Variants in LHX8 observed in about 807,000 individuals in gnomAD.
LHX8 encodes the protein LIM homeobox 8.
LHX8 carries 12 observed loss-of-function variants against 40.3 expected under a neutral mutation model. The observed-to-expected ratio is 0.30, with a 90% CI of 0.19 to 0.48. The LOEUF (loss-of-function observed/expected upper bound fraction) is 0.48, where lower values mean the gene tolerates loss of function less well. Among genes scored for constraint, LHX8 ranks in the 20% least tolerant of loss-of-function variants. LHX8 has a pLI of 0.99. For synonymous variants in LHX8, 179 were observed against 162.0 expected, an observed-to-expected ratio of 1.10 and a Z score of -0.80; for missense variants, 344 against 433.7, an observed-to-expected ratio of 0.79 and a Z score of 1.84.
chr1:75,137,298 C>T (rs745955828), intron 3 of LHX8, 37 bp downstream of exon 3: 9 of 1,595,432 alleles, frequency 5.6e-6, no homozygotes, highest in African/African-American at 1.3e-5. Context: ...CCAAGGGGAG[C>T]GGGCTTAGCG....
the LHX8 span, among the ~76,000 whole-genome samples, chr1:75,167,097 C>T: frequency 2.0e-5 from 3 of 152,164 alleles, no homozygotes; most frequent in African/African-American, 7.2e-5. Context: ...TTATTCTGCT[C>T]TGTCATGGAC....
chr1:75,157,861 T>G (rs1315087533), intron 8 of LHX8, among the ~76,000 whole-genome samples: 1 of 152,242 alleles, frequency 6.6e-6, no homozygotes, highest in Admixed American at 6.5e-5. Flanking sequence ...ATGAATATGC[T>G]GCTATGGACT....
chr1:75,164,297 A>G (rs1478545919), downstream of LHX8, among the ~76,000 whole-genome samples: 1 of 152,170 alleles, frequency 6.6e-6, no homozygotes, highest in African/African-American at 2.4e-5. Context: ...AAAAATTGAT[A>G]TGTCCACTAT....
the LHX8 span, among the ~76,000 whole-genome samples, chr1:75,184,410 A>G: frequency 6.6e-6 from 1 of 152,340 alleles, no homozygotes; most frequent in African/African-American, 2.4e-5. Flanking sequence ...CTGAAATCAT[A>G]CCAAACACAC....
chr1:75,156,546 C>A (rs1648772654), intron 7 of LHX8, among the ~76,000 whole-genome samples: 1 of 152,042 alleles, frequency 6.6e-6, no homozygotes, highest in Admixed American at 6.6e-5. Flanking sequence ...CCAGTCAAAT[C>A]CAATAGAGTT....
chr1:75,149,202 A>G (rs1028713348), intron 7 of LHX8, among the ~76,000 whole-genome samples: 1 of 152,182 alleles, frequency 6.6e-6, no homozygotes, highest in African/African-American at 2.4e-5. Flanking sequence ...AGATCCAGGG[A>G]GAGGAACTGG....
chr1:75,136,974 A>G (rs1570284604), intron 2 of LHX8, 126 bp from the exon 3 acceptor site: 1 of 975,244 alleles, frequency 1.0e-6, no homozygotes, highest in East Asian at 3.2e-5. Flanking sequence ...TGACCTCAAG[A>G]AGCTGGGGGT....
the LHX8 span, among the ~76,000 whole-genome samples, chr1:75,174,046 C>G: frequency 6.6e-6 from 1 of 152,000 alleles, no homozygotes; most frequent in African/African-American, 2.4e-5. Context: ...AGTCAGAAAT[C>G]TGAAACGCTG....
intron 6 of LHX8, among the ~76,000 whole-genome samples, chr1:75,147,301 C>CT (rs1648485724): frequency 6.6e-6 from 1 of 152,042 alleles, no homozygotes; most frequent in Non-Finnish European, 1.5e-5. Flanking sequence ...CAATATTGGC[C>CT]TTTTTTTCTA....
intron 6 of LHX8, among the ~76,000 whole-genome samples, chr1:75,145,425 G>A (rs1648435268): frequency 1.3e-5 from 2 of 152,096 alleles, no homozygotes; most frequent in Admixed American, 1.3e-4. Flanking sequence ...AAATAAAATT[G>A]TGAAAATTTG....
chr1:75,135,706 C>T (rs916474345), intron 1 of LHX8, among the ~76,000 whole-genome samples: 2 of 152,228 alleles, frequency 1.3e-5, no homozygotes, highest in Non-Finnish European at 2.9e-5. Flanking sequence ...CCAGCAAATA[C>T]TTGGAAACAC....
In LHX8 at chr1:75,160,948, G is replaced by A; in HGVS notation, c.*53G>A. On this transcript the variant is annotated 3_prime_UTR_variant, in exon 9 of 9. Coordinates refer to ENST00000356261, the MANE Select transcript of LHX8 (RefSeq NM_001256114.2). ...AGGATATAAATTTGTCATTTATTAT[G>A]TATAAAATACCATTGAAAAGATATT... is the stretch of plus-strand genomic sequence containing the variant. 2.4e-6 allele frequency: 3 copies of A among 1,267,416 alleles called. No individual in the cohort carries two copies. The highest frequency in any genetic ancestry group is 1.2e-5 in the South Asian group (1 of 83,786). The allele number at this position is 1,267,416 out of a possible 1,614,324, so 78.5% of individuals were successfully genotyped here.
intron 7 of LHX8, among the ~76,000 whole-genome samples, chr1:75,149,734 A>G (rs1648557192): frequency 1.3e-5 from 2 of 152,084 alleles, no homozygotes; most frequent in Admixed American, 1.3e-4. Flanking sequence ...TTTTGTAGAA[A>G]CAGAGTCTCA....
upstream of LHX8, chr1:75,130,707 G>C (rs1280535889): frequency 1.2e-6 from 2 of 1,614,004 alleles, no homozygotes; most frequent in Non-Finnish European, 1.7e-6. Context: ...TGCCATCTCT[G>C]AGGGGTTATG....
rs1420756328 is a variant in LHX8, at chr1:75,148,660, G to C, written c.758G>C (p.Gly253Ala). The C allele has an allele frequency of 6.2e-7, 1 of 1,613,064 alleles. No homozygotes were observed. Among genetic ancestry groups the C allele is most frequent in the Admixed American group, 1.7e-5 (1 of 59,930 alleles). ...QTLQKLAERT[G>A]LSRRVIQVWF... ...CTCCAGAAATTGGCAGAAAGGACAG[G>C]CTTGAGCAGACGTGTGATACAGGTG... Residue 253 changes from glycine to alanine, a missense_variant, in exon 7 of 9, where the codon GGC (glycine) becomes GCC (alanine). Gly to Ala is a moderately conservative substitution (Grantham distance 60). Coordinates refer to ENST00000356261, the MANE Select transcript of LHX8 (RefSeq NM_001256114.2).
upstream of LHX8, chr1:75,130,527 C>T (rs1460230809): frequency 3.0e-6 from 2 of 672,458 alleles, no homozygotes; most frequent in Middle Eastern, 4.1e-4. Context: ...AGTCTTGGCC[C>T]ACAGTGGGAG....
chr1:75,145,967 A>C (rs1213808601), intron 6 of LHX8, among the ~76,000 whole-genome samples: 1 of 152,138 alleles, frequency 6.6e-6, no homozygotes, highest in Non-Finnish European at 1.5e-5. Flanking sequence ...GTATATTCTC[A>C]TTCAATATTT....
At chr1:75,130,745 A>G (rs1007461372), upstream of LHX8, 3 of 1,613,592 alleles carry the variant, frequency 1.9e-6, no homozygotes, top group Admixed American at 5.0e-5. Flanking sequence ...AAGTTTGTGG[A>G]AAGAACCTCT....
At chr1:75,136,720 G>C in intron 2 of LHX8, 31 bp downstream of exon 2, 1 of 1,522,050 alleles carries the variant, frequency 6.6e-7, no homozygotes, top group Non-Finnish European at 8.8e-7. Context: ...GTGCTGGCAA[G>C]ACTGGCCGTG....
Sources: allele counts gnomAD v4.1 joint callset (sites outside exome capture counted in the v4.1 genomes callset), GRCh38; gene constraint gnomAD v4.1.1; transcripts MANE v1.5; gene names NCBI Gene and HGNC (gene_info 2026-07-23, HGNC 2026-07-21).